The following SVIL variants were observed in gnomAD, a reference collection of about 807,000 sequenced individuals.
SVIL encodes supervillin.
SVIL carries 101 observed loss-of-function variants against 240.4 expected under a neutral mutation model. The observed-to-expected ratio is 0.42, with a 90% confidence interval of 0.36 to 0.50. The LOEUF (loss-of-function observed/expected upper bound fraction) is 0.50. SVIL is among the 20% of genes least tolerant of loss of function. The probability of loss-of-function intolerance (pLI) is 0.01; values close to 1 mark genes in which losing one functional copy is unlikely to be tolerated. For synonymous variants in SVIL, 999 were observed against 1,100.0 expected (o/e 0.91, Z 1.82); for missense variants, 2,512 against 2,818.7 (o/e 0.89, Z 2.46).
Position 29,486,122 on chromosome 10 carries a change from CCCCAGTA to C in SVIL, c.4735_4741del (p.Tyr1579GlyfsTer33). On this transcript the variant is annotated frameshift_variant, in exon 26 of 38. Coordinates refer to ENST00000355867, the MANE Select transcript of SVIL (RefSeq NM_021738.3). LOFTEE classifies it high-confidence loss of function. ...CAGAAGGGAGCACTTCGGAATTTTCCCCCAGTAGTCGTCATCAGGAACAAGTTTGTCA... is the reference window on the plus strand; with the variant it reads ...CAGAAGGGAGCACTTCGGAATTTTCCGTCGTCATCAGGAACAAGTTTGTCA... 1 of 1,614,134 alleles carries C rather than the reference CCCCAGTA, an allele frequency of 6.2e-7. No homozygotes were observed. The highest frequency in any genetic ancestry group is 8.5e-7 in the Non-Finnish European group (1 of 1,180,038).
At chr10:29,463,360 T>C (rs1944493379) in intron 35 of SVIL, 132 bp downstream of exon 35, 8 of 1,282,756 alleles carry the variant, frequency 6.2e-6, no homozygotes, top group Non-Finnish European at 8.2e-6. Context: ...ATTGGTTTCA[T>C]CACCACCTGC....
chr10:29,532,240 G>C, intron 8 of SVIL, 68 bp from the exon 9 acceptor site: 1 of 1,547,002 alleles, frequency 6.5e-7, no homozygotes, highest in Non-Finnish European at 8.8e-7. Context: ...AGATGGCAAA[G>C]GATTATGCAT....
chr10:29,496,648 G>T (rs1182379606), intron 18 of SVIL, among the ~76,000 whole-genome samples: 2 of 152,218 alleles, frequency 1.3e-5, no homozygotes, highest in African/African-American at 2.4e-5. Flanking sequence ...GCTCATGGCA[G>T]GGAGATGCAA....
At chr10:29,545,916 C>CTTTCAT (rs1309600312) in intron 6 of SVIL, among the ~76,000 whole-genome samples, 1 of 150,936 alleles carries the variant, frequency 6.6e-6, no homozygotes, top group Non-Finnish European at 1.5e-5. Flanking sequence ...TGAGGTCTAC[C>CTTTCAT]TTTCATTTCA....
At chr10:29,583,317 AG>A (rs1157494832) in intron 1 of SVIL, among the ~76,000 whole-genome samples, 1 of 152,090 alleles carries the variant, frequency 6.6e-6, no homozygotes, top group Non-Finnish European at 1.5e-5. Flanking sequence ...TTATTTTTTG[AG>A]ACAGGGTCTG....
intron 1 of SVIL, among the ~76,000 whole-genome samples, chr10:29,620,271 G>A (rs2132908922): frequency 6.6e-6 from 1 of 151,366 alleles, no homozygotes; most frequent in Middle Eastern, 3.4e-3. Context: ...TATAGGAAGA[G>A]ATGAAGAGGA....
At chr10:29,643,478 G>A (rs1243173344) in intron 3 of SVIL, among the ~76,000 whole-genome samples, 2 of 152,186 alleles carry the variant, frequency 1.3e-5, no homozygotes, top group Non-Finnish European at 2.9e-5. Context: ...ACAGAGACAT[G>A]CTGTAGTCTA....
intron 1 of SVIL, among the ~76,000 whole-genome samples, chr10:29,601,865 C>CTCTCCCTCTCTCTTTCT (rs1249296044): frequency 6.6e-6 from 1 of 152,184 alleles, no homozygotes; most frequent in Non-Finnish European, 1.5e-5. Flanking sequence ...TACCTCTTTC[C>CTCTCCCTCTCTCTTTCT]TCTCCCTCTC....
chr10:29,478,703 T>C (rs749448669), intron 29 of SVIL, among the ~76,000 whole-genome samples: 1 of 151,804 alleles, frequency 6.6e-6, no homozygotes. Context: ...GGAGGATGGT[T>C]TGAGCCCAGG....
chr10:29,500,687 C>G (rs1379392759), intron 17 of SVIL, among the ~76,000 whole-genome samples: 1 of 152,212 alleles, frequency 6.6e-6, no homozygotes, highest in Non-Finnish European at 1.5e-5. Flanking sequence ...TTTCTGCCTT[C>G]CTAAGGCATT....
intron 16 of SVIL, among the ~76,000 whole-genome samples, chr10:29,514,809 C>T (rs1950100733): frequency 6.6e-6 from 1 of 152,182 alleles, no homozygotes; most frequent in African/African-American, 2.4e-5. Flanking sequence ...GTCCTTCTTC[C>T]AAGCTTCCCG....
chr10:29,690,240 C>T (rs1479094951), intron 1 of SVIL, among the ~76,000 whole-genome samples: 1 of 152,128 alleles, frequency 6.6e-6, no homozygotes, highest in Admixed American at 6.5e-5. Flanking sequence ...AAGAGCTAGC[C>T]ATAGTCACAA....
intron 25 of SVIL, 69 bp downstream of exon 25, chr10:29,486,341 A>G: frequency 1.9e-6 from 3 of 1,597,660 alleles, no homozygotes; most frequent in Non-Finnish European, 2.6e-6. Context: ...TGTAAAATAG[A>G]AGAATGAGCT....
chr10:29,465,454 G>T, intron 34 of SVIL, 141 bp downstream of exon 34: 1 of 1,038,790 alleles, frequency 9.6e-7, no homozygotes. Context: ...AGGATGAAAA[G>T]AGTGTAAGCA....
At chr10:29,638,858 T>C (rs918876243), upstream of SVIL, among the ~76,000 whole-genome samples, 4 of 152,224 alleles carry the variant, frequency 2.6e-5, no homozygotes, top group East Asian at 1.9e-4. Context: ...AGAAATTTCA[T>C]CTACTGCCCC....
intron 16 of SVIL, among the ~76,000 whole-genome samples, chr10:29,514,867 G>C (rs1017940052): frequency 1.3e-5 from 2 of 152,150 alleles, no homozygotes; most frequent in Non-Finnish European, 2.9e-5. Context: ...TATATTCTAT[G>C]ATAAAAGTTT....
At chr10:29,724,915 A>T (rs933709624) in intron 1 of SVIL, among the ~76,000 whole-genome samples, 2 of 150,702 alleles carry the variant, frequency 1.3e-5, no homozygotes, top group Admixed American at 6.7e-5. Context: ...CCAGCTACTC[A>T]GGAGGCTGAG....
At chr10:29,605,766 A>T (rs1956998001) in intron 1 of SVIL, among the ~76,000 whole-genome samples, 1 of 149,402 alleles carries the variant, frequency 6.7e-6, no homozygotes, top group Non-Finnish European at 1.5e-5. Flanking sequence ...AAATAAATGT[A>T]TATGTGTGTG....
At chr10:29,640,404 C>G (rs916378958) in intron 3 of SVIL, among the ~76,000 whole-genome samples, 1 of 152,164 alleles carries the variant, frequency 6.6e-6, no homozygotes, top group Non-Finnish European at 1.5e-5. Context: ...ACCTCTGCCT[C>G]CCTCAAATGT....
Sources: gnomAD v4.1 joint callset for allele counts (sites outside exome capture counted in the v4.1 genomes callset) on GRCh38, gnomAD v4.1.1 for gene constraint, MANE v1.5 for transcripts, NCBI Gene and HGNC (gene_info 2026-07-23, HGNC 2026-07-21) for gene names.